TIAL1: variants seen among roughly 807,000 people sequenced by gnomAD.
TIAL1 encodes the protein nucleolysin TIAR.
In TIAL1, 7 loss-of-function variants were observed where a neutral mutation model predicts 59.7. That is an observed-to-expected ratio of 0.12 (90% CI 0.07 to 0.22). The LOEUF is 0.22. Among genes scored for constraint, TIAL1 ranks in the 10% least tolerant of loss-of-function variants. TIAL1 has a pLI of 1.00. For missense variants in TIAL1, 225 were observed against 462.5 expected (o/e 0.49, Z 4.71); for synonymous variants, 149 against 146.3 (o/e 1.02, Z -0.13).
chr10:119,582,175 T>C lies in TIAL1; in HGVS notation c.277A>G (p.Thr93Ala). 1 of 1,607,306 alleles carries C rather than the reference T, an allele frequency of 6.2e-7. No homozygotes were observed. The highest frequency in any genetic ancestry group is 8.5e-7 in the Non-Finnish European group (1 of 1,177,808). The change falls in exon 4 of 12, where the codon ACT (threonine) becomes GCT (alanine). Residue 93 changes from threonine to alanine, a missense_variant. By Grantham distance (58) the Thr-to-Ala change is moderately conservative (BLOSUM62 0). This residue lies in a region of TIAL1 where 38 missense variants were observed against 173.0 expected (regional missense o/e 0.22). Coordinates refer to ENST00000436547, the MANE Select transcript of TIAL1 (RefSeq NM_003252.4). This position sits in a 1 kb window ranked among gnomAD's most constrained non-coding sequence, Gnocchi z 5.1. ...ATGCAGCAGGAGTACTTACTGGAAG[T>C]ATCTTTTTTCTGGCTACTTGGTGTG... ...ATTPSSQKKD[T>A]SNHFHVFVGD...
rs76823167 is a variant in TIAL1, at chr10:119,582,838, A to C, written c.130-281T>G. On this transcript the variant is annotated intron_variant, in intron 2 of 11. Transcript: ENST00000436547. This position sits in a 1 kb window ranked among gnomAD's most constrained non-coding sequence, Gnocchi z 5.1. The stretch of plus-strand genomic sequence containing the variant: ...TCTGGTGAAGTGTGTTAAATATAAA[A>C]TAGAAGATTATATTAAACCAAACAA... 1.8e-4 allele frequency among the ~76,000 whole-genome samples: 28 copies of C among 152,304 alleles called. 1 individual carries two copies. In the East Asian group the frequency reaches 5.0e-3, roughly 27 times the overall value.
chr10:119,582,404 T>A lies in TIAL1; in HGVS notation c.228+55A>T. ...AAATTTGCCTAGAAAGAATACAAAC[T>A]AGTTTGACATGCAAATATATGTACT... On this transcript the variant is annotated intron_variant, in intron 3 of 11. Transcript: ENST00000436547. The surrounding 1 kb of genome is among the most constrained non-coding windows in gnomAD (Gnocchi z 5.1). 1 of 1,530,696 alleles carries A rather than the reference T, an allele frequency of 6.5e-7. No homozygotes were observed. Among genetic ancestry groups the A allele is most frequent in the Non-Finnish European group, 8.7e-7 (1 of 1,145,394 alleles). The allele number at this position is 1,530,696 out of a possible 1,614,324, so 94.8% of individuals were successfully genotyped here.
At chr10:119,591,732 A>G (rs1451244232) in intron 1 of TIAL1, among the ~76,000 whole-genome samples, 1 of 152,214 alleles carries the variant, frequency 6.6e-6, no homozygotes, top group African/African-American at 2.4e-5. Flanking sequence ...GATTCACTAT[A>G]TAATTTCACC....
intron 1 of TIAL1, chr10:119,593,528 C>T (rs1845994792): frequency 4.1e-6 from 4 of 983,746 alleles, no homozygotes; most frequent in Non-Finnish European, 4.8e-6. Context: ...AGGAAAAAAA[C>T]CTCACTAGTA....
In TIAL1 at chr10:119,578,717, A is replaced by G; in HGVS notation, c.556+9T>C. On this transcript the variant is annotated intron_variant, in intron 7 of 11. Coordinates refer to ENST00000436547, the MANE Select transcript of TIAL1 (RefSeq NM_003252.4). ...TATAATTTTAACACACACAGTGGACATATCTTACTTTCTTGTGTACTTTTA... is the reference window on the plus strand; with the variant it reads ...TATAATTTTAACACACACAGTGGACGTATCTTACTTTCTTGTGTACTTTTA... The G allele has an allele frequency of 1.9e-6, 3 of 1,598,958 alleles. No individual in the cohort carries two copies. Among genetic ancestry groups the G allele is most frequent in the Non-Finnish European group, 2.6e-6 (3 of 1,166,084 alleles).
In TIAL1 at chr10:119,595,917, AAG is replaced by A. The variant is rs1846153342; in HGVS notation, c.32+515_32+516del. The stretch of plus-strand genomic sequence containing the variant: ...AAGAGAGAAGGGGCTTGAGTGGTGA[AAG>A]AGTGTCCTGCTTCCTCCGAGAGCTT... On this transcript the variant is annotated intron_variant, in intron 1 of 11. Coordinates refer to ENST00000436547, the MANE Select transcript of TIAL1 (RefSeq NM_003252.4). Among the ~76,000 whole-genome samples, 4 of 152,136 alleles carry A rather than the reference AAG, an allele frequency of 2.6e-5. No homozygotes were observed. The South Asian group carries it at 8.3e-4, about 32-fold the overall frequency.
intron 1 of TIAL1, among the ~76,000 whole-genome samples, chr10:119,593,918 C>G (rs1242880526): frequency 6.6e-6 from 1 of 152,122 alleles, no homozygotes; most frequent in Non-Finnish European, 1.5e-5. Flanking sequence ...TGCCTACAAT[C>G]TTAGTTCAAC....
intron 2 of TIAL1, among the ~76,000 whole-genome samples, chr10:119,583,306 A>C (rs1845385180): frequency 6.6e-6 from 1 of 152,176 alleles, no homozygotes. Flanking sequence ...ACAAAGCTAT[A>C]AGTTTACATC....
rs546578124 is a variant in TIAL1, at chr10:119,582,670, A to G, written c.130-113T>C. The G allele has an allele frequency of 5.4e-5, 80 of 1,488,734 alleles. 1 individual carries two copies. In the East Asian group the frequency reaches 1.2e-3, roughly 23 times the overall value. The allele number at this position is 1,488,734 out of a possible 1,614,324, so 92.2% of individuals were successfully genotyped here. On this transcript the variant is annotated intron_variant, in intron 2 of 11. Transcript: ENST00000436547. The surrounding 1 kb of genome is among the most constrained non-coding windows in gnomAD (Gnocchi z 5.1). Reference sequence around the variant, plus strand: ...CTGGGAATATACAAGGTGAGACTGCATAAGCTTATGAAAGCCTAACACTTT... The same window carrying G: ...CTGGGAATATACAAGGTGAGACTGCGTAAGCTTATGAAAGCCTAACACTTT...
intron 1 of TIAL1, among the ~76,000 whole-genome samples, chr10:119,590,816 GAAAGA>G (rs1564744992): frequency 6.9e-6 from 1 of 145,716 alleles, no homozygotes; most frequent in African/African-American, 2.6e-5. Flanking sequence ...AAGAAAGAAA[GAAAGA>G]AACGAACAAG....
rs1554862536 is a variant in TIAL1 at position 119,574,602 on chromosome 10, A to AAAC, written c.*1062_*1063insGTT. The AAAC allele has an allele frequency of 2.0e-5, 3 of 148,384 alleles. No individual in the cohort carries two copies. The highest frequency in any genetic ancestry group is 3.0e-5 in the Non-Finnish European group (2 of 67,506). The allele number at this position is 148,384 out of a possible 1,614,324, so 9.2% of individuals were successfully genotyped here. ...AATGTAAAGCAAAAAAAAAAAAAAAAAAAAACAAAAACAAAAAACTAATTC... is the reference window on the plus strand; with the variant it reads ...AATGTAAAGCAAAAAAAAAAAAAAAAAACAAAAACAAAAACAAAAAACTAATTC... On this transcript the variant is annotated 3_prime_UTR_variant, in exon 12 of 12. Transcript: ENST00000436547.
At chr10:119,577,016 T>G in intron 10 of TIAL1, 64 bp downstream of exon 10, 1 of 1,580,066 alleles carries the variant, frequency 6.3e-7, no homozygotes, top group Non-Finnish European at 8.6e-7. Flanking sequence ...TTACAGAGTT[T>G]CCAAAGCTTT....
Position 119,574,664 on chromosome 10 carries a change from T to C in TIAL1, c.*1001A>G, listed in dbSNP as rs905497373. ...TTAGAACATACTAATGCATCAAAGA[T>C]TGTATGAAATTAAAATTAAGGCTTT... On this transcript the variant is annotated 3_prime_UTR_variant, in exon 12 of 12. Coordinates refer to ENST00000436547, the MANE Select transcript of TIAL1 (RefSeq NM_003252.4). The C allele has an allele frequency of 2.7e-5, 4 of 149,690 alleles. No homozygotes were observed. The highest frequency in any genetic ancestry group is 7.4e-5 in the African/African-American group (3 of 40,586). The allele number at this position is 149,690 out of a possible 1,614,324, so 9.3% of individuals were successfully genotyped here.
At chr10:119,581,462 T>C (rs1224278122) in intron 5 of TIAL1, among the ~76,000 whole-genome samples, 1 of 151,998 alleles carries the variant, frequency 6.6e-6, no homozygotes, top group Admixed American at 6.5e-5. Flanking sequence ...ACATGAACAT[T>C]TCCAATTTAA....
At position 119,577,445 on chromosome 10, in the gene TIAL1, T is replaced by G. The variant is rs761028604; in HGVS notation, c.737+6A>C. The G allele has an allele frequency of 1.2e-5, 20 of 1,604,404 alleles. No individual in the cohort carries two copies. Among genetic ancestry groups the G allele is most frequent in the Non-Finnish European group, 1.7e-5 (20 of 1,172,158 alleles). ...AGTAATAATGATATTTCAAGTAGAG[T>G]GTTACCTGACAAATGAATAGCCCTT... On this transcript the variant is annotated splice_donor_region_variant and intron_variant, in intron 9 of 11. Transcript: ENST00000436547.
At chr10:119,590,197 T>C (rs1845778153) in intron 1 of TIAL1, among the ~76,000 whole-genome samples, 1 of 152,188 alleles carries the variant, frequency 6.6e-6, no homozygotes, top group Admixed American at 6.5e-5. Context: ...ACTAAACAAG[T>C]GACAAACTGT....
At chr10:119,577,354 A>C in intron 9 of TIAL1, 97 bp downstream of exon 9, 14 of 1,435,900 alleles carry the variant, frequency 9.7e-6, no homozygotes, top group South Asian at 5.4e-5. Flanking sequence ...TACTGCAAAG[A>C]AGCACTAAAA....
chr10:119,593,365 A>C, intron 1 of TIAL1: 1 of 528,356 alleles, frequency 1.9e-6, no homozygotes, highest in Non-Finnish European at 2.4e-6. Flanking sequence ...ATAGAAATTT[A>C]GGCTCAACAT....
At chr10:119,580,119 G>A (rs1216373770) in intron 5 of TIAL1, 109 bp from the exon 6 acceptor site, 1 of 885,148 alleles carries the variant, frequency 1.1e-6, no homozygotes, top group East Asian at 2.8e-5. Context: ...TAAAATTCCA[G>A]TTAGCCCTAA....
Sources: gnomAD v4.1 joint callset for allele counts (sites outside exome capture counted in the v4.1 genomes callset) on GRCh38, gnomAD v4.1.1 for gene constraint, gnomAD v4.1.1 regional missense constraint, Gnocchi (gnomAD v3.1) non-coding constraint, MANE v1.5 for transcripts, NCBI Gene and HGNC (gene_info 2026-07-23, HGNC 2026-07-21) for gene names.